SNCAIP: variants seen among roughly 807,000 people sequenced by gnomAD.
SNCAIP encodes synphilin-1.
A neutral mutation model predicts 86.7 loss-of-function variants in SNCAIP; 43 were observed. That is an observed-to-expected ratio of 0.50 (90% CI 0.39 to 0.64). The LOEUF (loss-of-function observed/expected upper bound fraction) is 0.64. SNCAIP is among the 30% of genes least tolerant of loss of function. SNCAIP has a pLI of 0.00. For synonymous variants in SNCAIP, 417 were observed against 427.2 expected, an observed-to-expected ratio of 0.98 and a Z score of 0.29; for missense variants, 981 against 1,103.1, an observed-to-expected ratio of 0.89 and a Z score of 1.57.
intron 1 of SNCAIP, among the ~76,000 whole-genome samples, chr5:122,357,086 G>A (rs1351910299): frequency 1.3e-5 from 2 of 152,140 alleles, no homozygotes; most frequent in East Asian, 3.9e-4. Context: ...TGGCCTTCCT[G>A]TCTTGTTTCT....
At chr5:122,373,681 TTGG>T (rs1182755390) in intron 1 of SNCAIP, among the ~76,000 whole-genome samples, 1 of 152,204 alleles carries the variant, frequency 6.6e-6, no homozygotes, top group Admixed American at 6.5e-5. Context: ...TATTAAAAAC[TTGG>T]TGGTGAATGT....
intron 1 of SNCAIP, chr5:122,389,474 C>G (rs1158994111): frequency 6.6e-6 from 1 of 152,112 alleles, no homozygotes; most frequent in Non-Finnish European, 1.5e-5. Context: ...TATCAGAATC[C>G]ATCACAGTAG....
chr5:122,360,559 T>C (rs936775760), intron 1 of SNCAIP, among the ~76,000 whole-genome samples: 1 of 152,216 alleles, frequency 6.6e-6, no homozygotes, highest in Non-Finnish European at 1.5e-5. Flanking sequence ...TTCTTGCTCT[T>C]TAATTAATGA....
intron 1 of SNCAIP, among the ~76,000 whole-genome samples, chr5:122,372,310 G>A (rs868692813): frequency 6.6e-6 from 1 of 152,102 alleles, no homozygotes; most frequent in African/African-American, 2.4e-5. Flanking sequence ...AGTTTCCATG[G>A]TGTAAATACT....
intron 5 of SNCAIP, among the ~76,000 whole-genome samples, chr5:122,427,609 T>C (rs1350627992): frequency 6.6e-6 from 1 of 152,192 alleles, no homozygotes; most frequent in Non-Finnish European, 1.5e-5. Flanking sequence ...TCAGTGTATT[T>C]TGATGAACAT....
At chr5:122,327,410 T>A (rs1421929058) in intron 1 of SNCAIP, among the ~76,000 whole-genome samples, 1 of 152,106 alleles carries the variant, frequency 6.6e-6, no homozygotes, top group Non-Finnish European at 1.5e-5. Context: ...TACTGTATGG[T>A]TTGGCTCTGT....
intron 1 of SNCAIP, among the ~76,000 whole-genome samples, chr5:122,325,231 G>A (rs1173049740): frequency 6.6e-6 from 1 of 152,160 alleles, no homozygotes; most frequent in Non-Finnish European, 1.5e-5. Context: ...CAGCCTTATG[G>A]AATCCAATCA....
At chr5:122,325,610 C>T (rs1429155649) in intron 1 of SNCAIP, among the ~76,000 whole-genome samples, 1 of 152,166 alleles carries the variant, frequency 6.6e-6, no homozygotes, top group Non-Finnish European at 1.5e-5. Context: ...CATCTATTTT[C>T]TTTGGGGAAC....
Position 122,444,539 on chromosome 5 carries a change from C to T in SNCAIP, c.1423-24C>T, listed in dbSNP as rs941923232. ...TAATGTGTACAGAGATGTCCTGATACACATGTCCTTCATTTTCTGACAGAC... is the reference window on the plus strand; with the variant it reads ...TAATGTGTACAGAGATGTCCTGATATACATGTCCTTCATTTTCTGACAGAC... On this transcript the variant is annotated intron_variant, in intron 7 of 10. Coordinates refer to ENST00000261368, the MANE Select transcript of SNCAIP (RefSeq NM_005460.4). 4.4e-6 allele frequency: 7 copies of T among 1,606,930 alleles called. No homozygotes were observed. The East Asian group carries it at 1.1e-4, about 26-fold the overall frequency.
chr5:122,403,704 C>T, intron 2 of SNCAIP, 89 bp from the exon 3 acceptor site: 1 of 1,007,882 alleles, frequency 9.9e-7, no homozygotes. Context: ...CCAAGTATCA[C>T]TTATTGTGTT....
chr5:122,324,388 C>T (rs529999954), intron 1 of SNCAIP, among the ~76,000 whole-genome samples: 90 of 152,278 alleles, frequency 5.9e-4, no homozygotes, highest in African/African-American at 2.1e-3. Flanking sequence ...CTTTTACTTG[C>T]CCTGTGGATA....
chr5:122,432,618 T>A (rs1473666485), intron 6 of SNCAIP, among the ~76,000 whole-genome samples: 2 of 152,170 alleles, frequency 1.3e-5, no homozygotes, highest in Non-Finnish European at 2.9e-5. Flanking sequence ...GGAAAATCTT[T>A]ATAAGACATT....
chr5:122,380,377 A>G (rs913829039), intron 1 of SNCAIP, among the ~76,000 whole-genome samples: 13 of 152,210 alleles, frequency 8.5e-5, no homozygotes, highest in South Asian at 2.1e-4. Flanking sequence ...CTGTGGGATC[A>G]GTGGTGATAT....
intron 7 of SNCAIP, among the ~76,000 whole-genome samples, chr5:122,443,850 G>T (rs528436230): frequency 6.6e-6 from 1 of 152,266 alleles, no homozygotes; most frequent in Non-Finnish European, 1.5e-5. Context: ...GTCTTCAGAG[G>T]GCCCTCTGGA....
At chr5:122,417,868 G>C (rs1775630500) in intron 3 of SNCAIP, among the ~76,000 whole-genome samples, 1 of 152,194 alleles carries the variant, frequency 6.6e-6, no homozygotes, top group Non-Finnish European at 1.5e-5. Context: ...TGCCCTTGAG[G>C]GGTTCTCAGG....
At chr5:122,461,678 T>TG (rs1786311726) in intron 10 of SNCAIP, among the ~76,000 whole-genome samples, 1 of 150,652 alleles carries the variant, frequency 6.6e-6, no homozygotes, top group Non-Finnish European at 1.5e-5. Context: ...TGTTTTTTTT[T>TG]TTTTTTCTTT....
intron 10 of SNCAIP, among the ~76,000 whole-genome samples, chr5:122,452,664 C>T (rs1184395901): frequency 1.3e-5 from 2 of 152,170 alleles, no homozygotes; most frequent in East Asian, 1.9e-4. Context: ...AAGGCATACT[C>T]GTGCCCAAAA....
chr5:122,451,576 C>T lies in SNCAIP; in HGVS notation c.2729C>T (p.Ser910Phe). 1 of 1,611,540 alleles carries T rather than the reference C, an allele frequency of 6.2e-7. No homozygotes were observed. The highest frequency in any genetic ancestry group is 8.5e-7 in the Non-Finnish European group (1 of 1,177,988). ...GATGCCAAGGGAAACCCTGCCAGCT[C>T]CGCTAGCAAAGGAAAGAATAAGGCA... ...KTDAKGNPAS[S>F]ASKGKNKAA is the part of the protein sequence containing the mutation. Residue 910 changes from serine to phenylalanine, a missense_variant, in exon 10 of 11, where the codon TCC becomes TTC. Transcript: ENST00000261368.
At chr5:122,320,826 G>A (rs1752766150) in intron 1 of SNCAIP, among the ~76,000 whole-genome samples, 2 of 152,284 alleles carry the variant, frequency 1.3e-5, no homozygotes, top group East Asian at 3.9e-4. Flanking sequence ...TAAACCACAA[G>A]CTGCTTCTAA....
Sources: gnomAD v4.1 joint callset for allele counts (sites outside exome capture counted in the v4.1 genomes callset) on GRCh38, gnomAD v4.1.1 for gene constraint, MANE v1.5 for transcripts, NCBI Gene and HGNC (gene_info 2026-07-23, HGNC 2026-07-21) for gene names.